CBARP: variants seen among roughly 807,000 people sequenced by gnomAD.
CBARP encodes the protein CACN subunit beta associated regulatory protein.
In CBARP, 24 loss-of-function variants were observed where a neutral mutation model predicts 36.3. The ratio of observed to expected loss-of-function variants is 0.66; its 90% confidence interval spans 0.48 to 0.93. CBARP has a LOEUF of 0.93. Among genes scored for constraint, CBARP ranks in the 40% least tolerant of loss-of-function variants. The pLI is 0.00. For synonymous variants in CBARP, 586 were observed against 453.2 expected (o/e 1.29, Z -3.72); for missense variants, 1,146 against 980.4 (o/e 1.17, Z -2.26).
chr19:1,232,217 G>T (rs1374872825), intron 8 of CBARP, among the ~76,000 whole-genome samples: 2 of 152,092 alleles, frequency 1.3e-5, no homozygotes, highest in African/African-American at 4.8e-5. Context: ...AGTCACCCCT[G>T]GGCCCCATTC....
In CBARP at chr19:1,235,015, C is replaced by T. The variant is rs1449662119; in HGVS notation, c.441G>A (p.Gln147=). ...AALFEQSRKT[Q]DKGRRYTLTE... ...GCCCCGCTTACCGGCGACCCTTGTC[C>T]TGCGTCTTGCGGCTCTGCTCAAACA... The change falls in exon 5 of 10, where the codon CAG becomes CAA. Residue 147 remains glutamine (Q), a synonymous_variant. Coordinates refer to ENST00000650044, the MANE Select transcript of CBARP (RefSeq NM_001393918.1). 3.1e-6 allele frequency: 5 copies of T among 1,608,626 alleles called. No homozygotes were observed. The highest frequency in any genetic ancestry group is 2.2e-5 in the East Asian group (1 of 44,786).
intron 4 of CBARP, 116 bp downstream of exon 4, chr19:1,235,384 GC>G (rs1469265256): frequency 2.5e-6 from 3 of 1,222,244 alleles, no homozygotes; most frequent in Non-Finnish European, 3.4e-6. Flanking sequence ...ATCGAGCTGC[GC>G]CCAGTCTGGT....
Position 1,231,189 on chromosome 19 carries a change from A to T in CBARP, c.1066T>A (p.Phe356Ile). ...QEEGDAPQED[F>I]IQYIARAGDA... Reference sequence around the variant, plus strand: ...CCCGCCCGGGCAATGTACTGGATGAAGTCCTCCTGGGGGGCATCCCCCTCC... The same window carrying T: ...CCCGCCCGGGCAATGTACTGGATGATGTCCTCCTGGGGGGCATCCCCCTCC... The change falls in exon 9 of 10, where the codon TTC becomes ATC. Residue 356 changes from phenylalanine to isoleucine, a missense_variant. Transcript: ENST00000650044. 3.7e-6 allele frequency: 6 copies of T among 1,603,970 alleles called. No individual in the cohort carries two copies. The highest frequency in any genetic ancestry group is 4.2e-6 in the Non-Finnish European group (5 of 1,178,816).
At chr19:1,237,490 C>G (rs2080991776) in intron 1 of CBARP, among the ~76,000 whole-genome samples, 1 of 151,964 alleles carries the variant, frequency 6.6e-6, no homozygotes, top group South Asian at 2.1e-4. Context: ...GGATGGCGAG[C>G]CAGGGGAGGC....
Position 1,229,244 on chromosome 19 carries a change from G to A in CBARP, c.2053C>T (p.Pro685Ser). The A allele has an allele frequency of 8.1e-7, 1 of 1,239,912 alleles. No homozygotes were observed. Among genetic ancestry groups the A allele is most frequent in the Non-Finnish European group, 1.0e-6 (1 of 967,144 alleles). The allele number at this position is 1,239,912 out of a possible 1,614,324, so 76.8% of individuals were successfully genotyped here. A position where few individuals can be genotyped will look rare whatever the true frequency, so the allele number is the denominator to read the frequency against. Residue 685 changes from proline (P) to serine (S), a missense_variant, in exon 10 of 10, where the codon CCC becomes TCC. Physicochemically the swap from Pro to Ser is moderately conservative, Grantham distance 74 (BLOSUM62 -1). Coordinates refer to ENST00000650044, the MANE Select transcript of CBARP (RefSeq NM_001393918.1). The surrounding 1 kb of genome is among the most constrained non-coding windows in gnomAD (Gnocchi z 5.1). Reference sequence around the variant, plus strand: ...ACCAACGCGGGAGTCGCCACGACGGGCTCGGCGAGGCGCGGCGGAAAGAGT... The same window carrying A: ...ACCAACGCGGGAGTCGCCACGACGGACTCGGCGAGGCGCGGCGGAAAGAGT... ...ERLFPPRLAE[P>S]VVATPALVAA...
In CBARP at chr19:1,234,670, GAGGGGCGGC is replaced by G. The variant is rs755154373; in HGVS notation, c.519_527del (p.Pro174_Leu176del). 9.3e-6 allele frequency: 15 copies of G among 1,612,796 alleles called. No homozygotes were observed. The African/African-American group carries it at 1.9e-4, about 20-fold the overall frequency. On this transcript the variant is annotated inframe_deletion, in exon 6 of 10. Coordinates refer to ENST00000650044, the MANE Select transcript of CBARP (RefSeq NM_001393918.1). Reference sequence around the variant, plus strand: ...CACACTCGTGGATGGTGACAATCTTGAGGGGCGGCAGGTGCAGGTGCGTGAGCCGGGCAT... The same window carrying G: ...CACACTCGTGGATGGTGACAATCTTGAGGTGCAGGTGCGTGAGCCGGGCAT...
chr19:1,233,558 C>G lies in CBARP; in HGVS notation c.847G>C (p.Gly283Arg), dbSNP rs779664079. 2 of 1,608,506 alleles carry G rather than the reference C, an allele frequency of 1.2e-6. No homozygotes were observed. Among genetic ancestry groups the G allele is most frequent in the Non-Finnish European group, 1.7e-6 (2 of 1,178,304 alleles). Residue 283 changes from glycine (G) to arginine (R), a missense_variant, in exon 8 of 10, where the codon GGG (glycine) becomes CGG (arginine). Coordinates refer to ENST00000650044, the MANE Select transcript of CBARP (RefSeq NM_001393918.1). ...AGGAACTGCAGAACGGTACCTGCCC[C>G]GGATCCCGGGCCCGCCTCCCCAGGC... ...AGPGEAGPGS[G>R]AGTVLQFLTR...
In CBARP at chr19:1,231,190, GTCC is replaced by G; in HGVS notation, c.1062_1064del (p.Glu354del). The G allele has an allele frequency of 1.2e-6, 2 of 1,603,774 alleles. No individual in the cohort carries two copies. The highest frequency in any genetic ancestry group is 8.5e-7 in the Non-Finnish European group (1 of 1,178,860). The stretch of plus-strand genomic sequence containing the variant: ...CCGCCCGGGCAATGTACTGGATGAA[GTCC>G]TCCTGGGGGGCATCCCCCTCCTCCT... On this transcript the variant is annotated inframe_deletion, in exon 9 of 10. Coordinates refer to ENST00000650044, the MANE Select transcript of CBARP (RefSeq NM_001393918.1).
chr19:1,233,330 A>C, intron 8 of CBARP, 96 bp downstream of exon 8: 1 of 1,263,702 alleles, frequency 7.9e-7, no homozygotes, highest in Non-Finnish European at 1.1e-6. Context: ...CTCCCCACCC[A>C]GCCCACAACC....
chr19:1,237,317 A>G (rs1197035543), intron 1 of CBARP, among the ~76,000 whole-genome samples: 1 of 151,910 alleles, frequency 6.6e-6, no homozygotes, highest in Non-Finnish European at 1.5e-5. Context: ...AAATGAGTTC[A>G]GGCTGGAGGG....
In CBARP at chr19:1,233,554, G is replaced by T. The variant is rs61741979; in HGVS notation, c.851C>A (p.Ala284Glu). 3,307 of 1,607,452 alleles carry T rather than the reference G, an allele frequency of 2.1e-3. 9 individuals are homozygous for T. Among genetic ancestry groups the T allele is most frequent in the Non-Finnish European group, 1.9e-3 (2,258 of 1,177,786 alleles). ...GGTGAGGAACTGCAGAACGGTACCTGCCCCGGATCCCGGGCCCGCCTCCCC... is the reference window on the plus strand; with the variant it reads ...GGTGAGGAACTGCAGAACGGTACCTTCCCCGGATCCCGGGCCCGCCTCCCC... Reference protein sequence around the residue: ...GPGEAGPGSGAGTVLQFLTRL... With the variant: ...GPGEAGPGSGEGTVLQFLTRL... The change falls in exon 8 of 10, where the codon GCA becomes GAA. Residue 284 changes from alanine (A) to glutamate (E), a missense_variant. By Grantham distance (107) the Ala-to-Glu change is moderately radical (BLOSUM62 -1). Transcript: ENST00000650044.
rs2145441008 is a variant in CBARP, at chr19:1,228,715, C to T, written c.*464G>A. 6.7e-6 allele frequency: 1 copy of T among 148,250 alleles called. No individual in the cohort carries two copies. Among genetic ancestry groups the T allele is most frequent in the South Asian group, 2.1e-4 (1 of 4,830 alleles). 9.2% of individuals were successfully genotyped at this position (148,250 alleles called of 1,614,324 possible). ...CGAACTCGTCTGCGACCGTTAGCGCCCCGCGGCCCCCGCCCGGGCGAGCTC... is the reference window on the plus strand; with the variant it reads ...CGAACTCGTCTGCGACCGTTAGCGCTCCGCGGCCCCCGCCCGGGCGAGCTC... On this transcript the variant is annotated 3_prime_UTR_variant, in exon 10 of 10. Coordinates refer to ENST00000650044, the MANE Select transcript of CBARP (RefSeq NM_001393918.1).
chr19:1,231,044 G>A (rs753413344), intron 9 of CBARP, 57 bp downstream of exon 9: 30 of 1,558,184 alleles, frequency 1.9e-5, no homozygotes, highest in Non-Finnish European at 2.4e-5. Flanking sequence ...AGGGGGGGGC[G>A]AAGGGGGGCA....
Position 1,231,286 on chromosome 19 carries a change from G to C in CBARP, c.980-11C>G, listed in dbSNP as rs916118639. ...GCCGCTTGGGGGAACCTGCGCACGGGATGTGCCGTAAGCGTCAGCCGGCAT... is the reference window on the plus strand; with the variant it reads ...GCCGCTTGGGGGAACCTGCGCACGGCATGTGCCGTAAGCGTCAGCCGGCAT... On this transcript the variant is annotated splice_polypyrimidine_tract_variant and intron_variant, in intron 8 of 9. Transcript: ENST00000650044. The C allele has an allele frequency of 6.3e-7, 1 of 1,597,814 alleles. No individual in the cohort carries two copies. The highest frequency in any genetic ancestry group is 8.5e-7 in the Non-Finnish European group (1 of 1,178,456).
Position 1,236,127 on chromosome 19 carries a change from G to A in CBARP, c.-21-6C>T. On this transcript the variant is annotated splice_region_variant and splice_polypyrimidine_tract_variant and intron_variant, in intron 1 of 9. Coordinates refer to ENST00000650044, the MANE Select transcript of CBARP (RefSeq NM_001393918.1). Reference sequence around the variant, plus strand: ...CTGAACTGGGGAGGAGGGCCCTGTGGGGAGGAAGCCTGGTCAGCTCCAGCT... The same window carrying A: ...CTGAACTGGGGAGGAGGGCCCTGTGAGGAGGAAGCCTGGTCAGCTCCAGCT... The A allele has an allele frequency of 7.1e-7, 1 of 1,418,242 alleles. No individual in the cohort carries two copies. Among genetic ancestry groups the A allele is most frequent in the South Asian group, 1.5e-5 (1 of 65,916 alleles). The allele number at this position is 1,418,242 out of a possible 1,614,324, so 87.9% of individuals were successfully genotyped here. A position where few individuals can be genotyped will look rare whatever the true frequency, so the allele number is the denominator to read the frequency against.
rs2080856592 is a variant in CBARP, at chr19:1,229,181, A to G, written c.2116T>C (p.Ter706GlnextTer82). The change falls in exon 10 of 10, where the codon TAA (stop) becomes CAA (glutamine). Residue 706 changes from the stop codon to glutamine, a stop_lost. Transcript: ENST00000650044. This position sits in a 1 kb window ranked among gnomAD's most constrained non-coding sequence, Gnocchi z 5.1. ...GAGATGGGCCCAGGACGCGGGACTT[A>G]GGCCGGGCTGTGGTCGGGGGACGTG... is the stretch of plus-strand genomic sequence containing the variant. ...APTSPDHSPA* is the reference protein window; with the variant it reads ...APTSPDHSPAQ 1 of 1,148,222 alleles carries G rather than the reference A, an allele frequency of 8.7e-7. No homozygotes were observed. Among genetic ancestry groups the G allele is most frequent in the South Asian group, 1.6e-5 (1 of 64,166 alleles). 71.1% of individuals were successfully genotyped at this position (1,148,222 alleles called of 1,614,324 possible).
rs1299757456 is a variant in CBARP at position 1,229,980 on chromosome 19, G to A, written c.1317C>T (p.Ser439=). ...QAQTSYRDLW[S]LRASLELHAA... is the part of the protein sequence containing the mutation. ...CATGCAGCTCAAGCGAGGCGCGCAG[G>A]CTCCACAGGTCGCGGTAGCTGGTCT... Residue 439 remains serine (S), a synonymous_variant, in exon 10 of 10, where the codon AGC becomes AGT. Coordinates refer to ENST00000650044, the MANE Select transcript of CBARP (RefSeq NM_001393918.1). The surrounding 1 kb of genome is among the most constrained non-coding windows in gnomAD (Gnocchi z 5.1). The A allele has an allele frequency of 1.6e-6, 2 of 1,223,848 alleles. No individual in the cohort carries two copies. Among genetic ancestry groups the A allele is most frequent in the East Asian group, 9.1e-5 (1 of 10,978 alleles). 75.8% of individuals were successfully genotyped at this position (1,223,848 alleles called of 1,614,324 possible).
Position 1,229,613 on chromosome 19 carries a change from C to A in CBARP, c.1684G>T (p.Asp562Tyr), listed in dbSNP as rs1412261114. ...CGGTGTCGCGCGGCAGCCGGCGTGT[C>A]GTCGAAGTGCGGGTCGTGGCGCAGG... ...EFLRHDPHFDDTPAAARHRAR... is the reference protein window; with the variant it reads ...EFLRHDPHFDYTPAAARHRAR... The change falls in exon 10 of 10, where the codon GAC (aspartate) becomes TAC (tyrosine). Residue 562 changes from aspartate to tyrosine, a missense_variant. Transcript: ENST00000650044. The surrounding 1 kb of genome is among the most constrained non-coding windows in gnomAD (Gnocchi z 5.1). The A allele has an allele frequency of 6.7e-6, 8 of 1,201,040 alleles. No homozygotes were observed. The highest frequency in any genetic ancestry group is 7.4e-6 in the Non-Finnish European group (7 of 947,834). 74.4% of individuals were successfully genotyped at this position (1,201,040 alleles called of 1,614,324 possible). A position where few individuals can be genotyped will look rare whatever the true frequency, so the allele number is the denominator to read the frequency against.
Position 1,234,349 on chromosome 19 carries a change from G to A in CBARP, c.628-18C>T. The A allele has an allele frequency of 2.8e-6, 4 of 1,441,868 alleles. No homozygotes were observed. Among genetic ancestry groups the A allele is most frequent in the Middle Eastern group, 2.3e-4 (1 of 4,274 alleles). 89.3% of individuals were successfully genotyped at this position (1,441,868 alleles called of 1,614,324 possible). ...CCCGGGGGCTGTGGGACAGAGCCAG[G>A]TGGGGGAGGAAGCAGTGACAGGTCA... On this transcript the variant is annotated intron_variant, in intron 6 of 9. Transcript: ENST00000650044.
Sources: allele counts gnomAD v4.1 joint callset (sites outside exome capture counted in the v4.1 genomes callset), GRCh38; gene constraint gnomAD v4.1.1; non-coding constraint Gnocchi (gnomAD v3.1); transcripts MANE v1.5; gene names NCBI Gene and HGNC (gene_info 2026-07-23, HGNC 2026-07-21).